The following PARD3 variants were observed in gnomAD, a reference collection of about 807,000 sequenced individuals.
PARD3 encodes par-3 family cell polarity regulator.
PARD3 carries 75 observed loss-of-function variants against 155.4 expected under a neutral mutation model. The ratio of observed to expected loss-of-function variants is 0.48; its 90% confidence interval spans 0.40 to 0.58. PARD3 has a LOEUF of 0.58. Among genes scored for constraint, PARD3 ranks in the 20% least tolerant of loss-of-function variants. The pLI is 0.00. For missense variants in PARD3, 1,642 were observed against 1,721.7 expected, an observed-to-expected ratio of 0.95 and a Z score of 0.82; for synonymous variants, 576 against 610.5, an observed-to-expected ratio of 0.94 and a Z score of 0.83.
intron 2 of PARD3, among the ~76,000 whole-genome samples, chr10:34,581,524 G>A (rs935272798): frequency 2.0e-5 from 3 of 152,028 alleles, no homozygotes; most frequent in African/African-American, 4.8e-5. Flanking sequence ...GTGAGCCACC[G>A]CGCCCGGCCT....
intron 3 of PARD3, among the ~76,000 whole-genome samples, chr10:34,494,054 A>G (rs964251143): frequency 7.9e-5 from 12 of 152,226 alleles, no homozygotes; most frequent in Admixed American, 7.9e-4. Flanking sequence ...AGAGCCGGCT[A>G]TTAAACATTT....
chr10:34,173,057 T>C (rs910996821), intron 22 of PARD3, among the ~76,000 whole-genome samples: 5 of 152,230 alleles, frequency 3.3e-5, no homozygotes, highest in African/African-American at 9.6e-5. Flanking sequence ...AGCACTTCTT[T>C]GTTTACCGCA....
At chr10:34,748,996 A>C (rs1676837130) in intron 1 of PARD3, among the ~76,000 whole-genome samples, 1 of 152,196 alleles carries the variant, frequency 6.6e-6, no homozygotes, top group Non-Finnish European at 1.5e-5. Context: ...GTCAGACCTG[A>C]TGCACAACTG....
Position 34,493,975 on chromosome 10 carries a change from G to T in PARD3, c.403+23004C>A, listed in dbSNP as rs575184096. 4.1e-4 allele frequency among the ~76,000 whole-genome samples: 63 copies of T among 152,180 alleles called. 1 individual carries two copies. In the South Asian group the frequency reaches 0.011, roughly 26 times the overall value. ...ACATCAATTTGGTAGCCTGAATCTGGCCATAATACTCATATTTACACCATG... is the reference window on the plus strand; with the variant it reads ...ACATCAATTTGGTAGCCTGAATCTGTCCATAATACTCATATTTACACCATG... On this transcript the variant is annotated intron_variant, in intron 3 of 24. Coordinates refer to ENST00000374788, the MANE Select transcript of PARD3 (RefSeq NM_001184785.2).
intron 1 of PARD3, among the ~76,000 whole-genome samples, chr10:34,783,492 T>C (rs892282271): frequency 1.3e-5 from 2 of 150,408 alleles, no homozygotes; most frequent in African/African-American, 2.5e-5. Context: ...TAATCCCAGC[T>C]ACTCAGGAGG....
intron 2 of PARD3, among the ~76,000 whole-genome samples, chr10:34,682,786 G>A (rs965495505): frequency 6.6e-6 from 1 of 152,160 alleles, no homozygotes. Context: ...TACTCAGGCG[G>A]CTGAGGTGGG....
chr10:34,436,987 G>A (rs2076222033), intron 5 of PARD3, among the ~76,000 whole-genome samples: 1 of 151,946 alleles, frequency 6.6e-6, no homozygotes, highest in Non-Finnish European at 1.5e-5. Flanking sequence ...AGTTGGGGGA[G>A]GGAGACTACT....
chr10:34,362,770 C>T (rs917184148), intron 12 of PARD3, among the ~76,000 whole-genome samples: 3 of 152,318 alleles, frequency 2.0e-5, no homozygotes, highest in Non-Finnish European at 4.4e-5. Flanking sequence ...ATTGGGCTTA[C>T]GTGCCCAGCC....
intron 22 of PARD3, among the ~76,000 whole-genome samples, chr10:34,231,277 A>AAAAG (rs1952916842): frequency 6.6e-6 from 1 of 150,746 alleles, no homozygotes; most frequent in African/African-American, 2.4e-5. Context: ...AAAAAAAAAA[A>AAAAG]AAAAAAAAAA....
chr10:34,805,945 C>T (rs1828903659), intron 1 of PARD3, among the ~76,000 whole-genome samples: 1 of 151,778 alleles, frequency 6.6e-6, no homozygotes, highest in Admixed American at 6.6e-5. Flanking sequence ...TCACTGCACT[C>T]CAGCCTGGGC....
chr10:34,499,614 T>G (rs1399047321), intron 3 of PARD3, among the ~76,000 whole-genome samples: 3 of 152,222 alleles, frequency 2.0e-5, no homozygotes, highest in Non-Finnish European at 2.9e-5. Flanking sequence ...AACATGGATC[T>G]GTTGAAATTT....
At chr10:34,386,170 C>T (rs1360826566) in intron 7 of PARD3, among the ~76,000 whole-genome samples, 3 of 152,220 alleles carry the variant, frequency 2.0e-5, no homozygotes, top group Middle Eastern at 3.4e-3. Context: ...AGCCTATCAG[C>T]TTGCAAGAAT....
intron 3 of PARD3, among the ~76,000 whole-genome samples, chr10:34,504,042 A>C (rs1056000932): frequency 3.9e-5 from 6 of 152,182 alleles, no homozygotes; most frequent in Non-Finnish European, 7.3e-5. Context: ...TTACTCTGGG[A>C]AAGTGCTATC....
intron 22 of PARD3, among the ~76,000 whole-genome samples, chr10:34,153,630 A>C (rs1948874268): frequency 6.6e-6 from 1 of 152,222 alleles, no homozygotes; most frequent in Non-Finnish European, 1.5e-5. Context: ...TGTATCTTTT[A>C]TCAGTAGTCA....
intron 2 of PARD3, among the ~76,000 whole-genome samples, chr10:34,538,497 A>C (rs1170703505): frequency 2.0e-5 from 3 of 152,264 alleles, no homozygotes; most frequent in Admixed American, 6.5e-5. Flanking sequence ...AGCTTTGCCA[A>C]GACACAGAAG....
intron 14 of PARD3, among the ~76,000 whole-genome samples, chr10:34,350,774 T>C (rs1276774710): frequency 1.3e-5 from 2 of 152,180 alleles, no homozygotes; most frequent in Non-Finnish European, 2.9e-5. Context: ...CAGTCCCCTG[T>C]AGCAGTGGCT....
chr10:34,266,484 C>A (rs1955315750), intron 22 of PARD3, among the ~76,000 whole-genome samples: 1 of 152,152 alleles, frequency 6.6e-6, no homozygotes. Context: ...TTCCATAGTC[C>A]TTTTTCTTAA....
intron 20 of PARD3, among the ~76,000 whole-genome samples, chr10:34,289,379 G>A (rs958299668): frequency 3.0e-4 from 45 of 152,080 alleles, no homozygotes; most frequent in African/African-American, 8.2e-4. Context: ...CAGTAGAGGC[G>A]GGGTTTCGCC....
chr10:34,640,602 C>G (rs2132934478), intron 2 of PARD3, among the ~76,000 whole-genome samples: 2 of 147,250 alleles, frequency 1.4e-5, no homozygotes, highest in South Asian at 4.4e-4. Flanking sequence ...CCCAGCTACT[C>G]AGGGGGCTGA....
Sources: gnomAD v4.1 joint callset for allele counts (sites outside exome capture counted in the v4.1 genomes callset) on GRCh38, gnomAD v4.1.1 for gene constraint, MANE v1.5 for transcripts, NCBI Gene and HGNC (gene_info 2026-07-23, HGNC 2026-07-21) for gene names.